Variants in RERE observed in about 807,000 individuals in gnomAD.
RERE encodes the protein arginine-glutamic acid dipeptide repeats protein.
RERE carries 40 observed loss-of-function variants against 146.1 expected under a neutral mutation model. The observed-to-expected ratio is 0.27, with a 90% CI of 0.21 to 0.36. RERE has a LOEUF of 0.36. RERE is among the 10% of genes least tolerant of loss of function. The pLI is 1.00. For missense variants in RERE, 1,933 were observed against 2,138.7 expected (o/e 0.90, Z 1.90); for synonymous variants, 1,003 against 866.0 (o/e 1.16, Z -2.78).
intron 4 of RERE, among the ~76,000 whole-genome samples, chr1:8,575,435 G>A (rs1480726423): frequency 6.9e-6 from 1 of 145,362 alleles, no homozygotes; most frequent in Admixed American, 6.9e-5. Flanking sequence ...AGGCTGGAGT[G>A]CACTGGTGCA....
intron 1 of RERE, among the ~76,000 whole-genome samples, chr1:8,688,613 C>A (rs1479218637): frequency 6.6e-6 from 1 of 151,910 alleles, no homozygotes; most frequent in African/African-American, 2.4e-5. Context: ...CATAGTGGCA[C>A]ACACCTGTAG....
chr1:8,654,532 T>A (rs1376659508), intron 2 of RERE, among the ~76,000 whole-genome samples: 1 of 152,138 alleles, frequency 6.6e-6, no homozygotes, highest in African/African-American at 2.4e-5. Context: ...TAATTACATC[T>A]CATACAAAAT....
intron 8 of RERE, among the ~76,000 whole-genome samples, chr1:8,504,539 A>T (rs769418308): frequency 6.6e-6 from 1 of 152,240 alleles, no homozygotes; most frequent in Non-Finnish European, 1.5e-5. Context: ...GAAATCCCTA[A>T]TAAAATAATG....
intron 12 of RERE, among the ~76,000 whole-genome samples, chr1:8,376,511 G>A (rs34089283): frequency 0.034 from 5,236 of 152,200 alleles, 125 homozygotes; most frequent in Middle Eastern, 0.051. Context: ...CCTCTATGAC[G>A]ACATGAGACA....
chr1:8,651,519 A>C (rs929738740), intron 2 of RERE, among the ~76,000 whole-genome samples: 5 of 152,158 alleles, frequency 3.3e-5, no homozygotes, highest in Non-Finnish European at 7.3e-5. Flanking sequence ...GGGTGAGGAT[A>C]ATGGTTTTTC....
At chr1:8,553,332 T>C (rs1218217263) in intron 6 of RERE, among the ~76,000 whole-genome samples, 17 of 127,068 alleles carry the variant, frequency 1.3e-4, no homozygotes, top group East Asian at 4.8e-4. Context: ...TCATGCAAAA[T>C]TGCACCACTA....
intron 11 of RERE, among the ~76,000 whole-genome samples, chr1:8,453,557 G>A (rs1236162954): frequency 6.6e-6 from 1 of 152,192 alleles, no homozygotes; most frequent in Admixed American, 6.5e-5. Context: ...TGTAATCCCA[G>A]CACTCTAGGA....
At chr1:8,651,091 G>C (rs556289002) in intron 2 of RERE, among the ~76,000 whole-genome samples, 1 of 150,478 alleles carries the variant, frequency 6.6e-6, no homozygotes, top group African/African-American at 2.5e-5. Context: ...CTGAGACTAC[G>C]TCTCAAAAAA....
intron 1 of RERE, among the ~76,000 whole-genome samples, chr1:8,681,121 C>T (rs1374343480): frequency 3.3e-5 from 5 of 152,066 alleles, no homozygotes; most frequent in East Asian, 1.9e-4. Flanking sequence ...TTACAGAAAA[C>T]GCAAACTGAA....
intron 4 of RERE, among the ~76,000 whole-genome samples, chr1:8,592,424 C>A (rs1646506591): frequency 6.6e-6 from 1 of 152,110 alleles, no homozygotes; most frequent in Admixed American, 6.5e-5. Flanking sequence ...GTGCATACCA[C>A]CATGCCCGGC....
At chr1:8,491,297 G>A (rs1487860735) in intron 10 of RERE, among the ~76,000 whole-genome samples, 2 of 152,002 alleles carry the variant, frequency 1.3e-5, no homozygotes, top group East Asian at 1.9e-4. Context: ...AAAATTAGCC[G>A]GGTTTGGTGG....
At chr1:8,770,176 CAA>C (rs1037694168) in intron 1 of RERE, among the ~76,000 whole-genome samples, 2 of 152,218 alleles carry the variant, frequency 1.3e-5, no homozygotes, top group African/African-American at 4.8e-5. Context: ...TTCTGTAACA[CAA>C]AGAGTCAATA....
chr1:8,675,290 A>G (rs1638808971), intron 1 of RERE, among the ~76,000 whole-genome samples: 1 of 152,112 alleles, frequency 6.6e-6, no homozygotes, highest in Non-Finnish European at 1.5e-5. Context: ...CACTTTCGAT[A>G]TAGTTTTAAA....
At chr1:8,703,775 C>A (rs1639509217) in intron 1 of RERE, among the ~76,000 whole-genome samples, 1 of 152,230 alleles carries the variant, frequency 6.6e-6, no homozygotes, top group Non-Finnish European at 1.5e-5. Context: ...CCAACCACCT[C>A]TGACGTCTAA....
chr1:8,617,343 C>CAAAAAAAAAAAAAAAAAAAAAAAAAAAAA (rs58933208), intron 3 of RERE, among the ~76,000 whole-genome samples: 1 of 80,426 alleles, frequency 1.2e-5, no homozygotes, highest in African/African-American at 5.2e-5. Flanking sequence ...AACTCTGTCT[C>CAAAAAAAAAAAAAAAAAAAAAAAAAAAAA]AAAAAAAAAA....
intron 11 of RERE, among the ~76,000 whole-genome samples, chr1:8,460,289 C>T (rs565730955): frequency 6.6e-6 from 1 of 152,304 alleles, no homozygotes; most frequent in Admixed American, 6.5e-5. Context: ...ATAACAAAGG[C>T]ATCTGGAGAT....
intron 4 of RERE, among the ~76,000 whole-genome samples, chr1:8,560,910 C>A (rs1331336170): frequency 2.0e-5 from 3 of 152,178 alleles, no homozygotes; most frequent in African/African-American, 7.2e-5. Context: ...GCACTCCTAA[C>A]AACAATCTTT....
At chr1:8,380,166 G>A (rs1470270861) in intron 12 of RERE, among the ~76,000 whole-genome samples, 1 of 151,916 alleles carries the variant, frequency 6.6e-6, no homozygotes, top group Non-Finnish European at 1.5e-5. Context: ...ATGCAAAGGT[G>A]CCCTTGGCCC....
intron 1 of RERE, among the ~76,000 whole-genome samples, chr1:8,773,629 G>T (rs367998962): frequency 5.3e-5 from 8 of 152,180 alleles, no homozygotes; most frequent in Non-Finnish European, 8.8e-5. Flanking sequence ...TTCGAGACCA[G>T]CCTGACCAAC....
Sources: allele counts gnomAD v4.1 joint callset (sites outside exome capture counted in the v4.1 genomes callset), GRCh38; gene constraint gnomAD v4.1.1; transcripts MANE v1.5; gene names NCBI Gene and HGNC (gene_info 2026-07-23, HGNC 2026-07-21).